The following SENP6 variants were observed in gnomAD, a reference collection of about 807,000 sequenced individuals.
The protein encoded by SENP6 is SUMO specific peptidase 6.
Under a neutral mutation model 134.5 loss-of-function variants are expected in SENP6, and 41 were observed. The observed-to-expected ratio is 0.30, with a 90% CI of 0.24 to 0.40. The LOEUF is 0.40. Among genes scored for constraint, SENP6 ranks in the 10% least tolerant of loss-of-function variants. SENP6 has a pLI of 1.00. For synonymous variants in SENP6, 395 were observed against 429.8 expected (o/e 0.92, Z 1.00); for missense variants, 1,248 against 1,312.5 (o/e 0.95, Z 0.76).
At chr6:75,684,334 C>T (rs1463932133) in intron 16 of SENP6, among the ~76,000 whole-genome samples, 2 of 152,208 alleles carry the variant, frequency 1.3e-5, no homozygotes, top group African/African-American at 4.8e-5. Flanking sequence ...ACAATCATGT[C>T]ATCTGCAAAC....
At chr6:75,659,460 T>C (rs1333203987) in intron 8 of SENP6, 53 bp downstream of exon 8, 2 of 1,455,328 alleles carry the variant, frequency 1.4e-6, no homozygotes, top group Non-Finnish European at 1.9e-6. Flanking sequence ...TTGATTAATA[T>C]TAGTTTCAGT....
chr6:75,619,294 A>G (rs1256667513), intron 1 of SENP6, among the ~76,000 whole-genome samples: 1 of 152,014 alleles, frequency 6.6e-6, no homozygotes, highest in Non-Finnish European at 1.5e-5. Flanking sequence ...GAATTTACCT[A>G]TTCTGGGTAC....
In SENP6 at chr6:75,678,791, G is replaced by T. The variant is rs757187259; in HGVS notation, c.1959-20G>T. On this transcript the variant is annotated intron_variant, in intron 15 of 23. Coordinates refer to ENST00000447266, the MANE Select transcript of SENP6 (RefSeq NM_015571.4). The stretch of plus-strand genomic sequence containing the variant: ...TATATATAGATTTGTTTATTTGCTT[G>T]CCTTCTAATTTTGTTACAGGTTGAT... 2 of 1,469,410 alleles carry T rather than the reference G, an allele frequency of 1.4e-6. No individual in the cohort carries two copies. The highest frequency in any genetic ancestry group is 1.9e-6 in the Non-Finnish European group (2 of 1,052,496). The allele number at this position is 1,469,410 out of a possible 1,614,324, so 91.0% of individuals were successfully genotyped here.
chr6:75,656,890 A>G (rs1771384090), intron 7 of SENP6, among the ~76,000 whole-genome samples: 1 of 152,204 alleles, frequency 6.6e-6, no homozygotes, highest in Admixed American at 6.5e-5. Context: ...GAATTATATC[A>G]AAGCTTTGGA....
intron 16 of SENP6, among the ~76,000 whole-genome samples, chr6:75,691,282 A>G (rs951050446): frequency 1.3e-5 from 2 of 151,998 alleles, no homozygotes; most frequent in African/African-American, 4.8e-5. Flanking sequence ...AGCTGGGACT[A>G]CATGTGCGAG....
chr6:75,649,641 C>G (rs887355895), intron 7 of SENP6, among the ~76,000 whole-genome samples: 10 of 151,952 alleles, frequency 6.6e-5, no homozygotes, highest in African/African-American at 2.2e-4. Context: ...CTCAGCCTCC[C>G]GAGTAGCTGG....
At chr6:75,617,981 A>G (rs1330755067) in intron 1 of SENP6, among the ~76,000 whole-genome samples, 1 of 152,218 alleles carries the variant, frequency 6.6e-6, no homozygotes, top group Admixed American at 6.5e-5. Flanking sequence ...CACAGTGCTG[A>G]AGTGCTATTT....
chr6:75,636,314 T>A (rs1020357451), intron 5 of SENP6, among the ~76,000 whole-genome samples: 1 of 152,204 alleles, frequency 6.6e-6, no homozygotes, highest in Non-Finnish European at 1.5e-5. Context: ...GCAGGACAGA[T>A]TCTACTTACA....
chr6:75,708,865 G>T (rs1448801382), intron 19 of SENP6, among the ~76,000 whole-genome samples: 3 of 152,054 alleles, frequency 2.0e-5, no homozygotes, highest in Non-Finnish European at 4.4e-5. Flanking sequence ...CTGCACTCCA[G>T]CCTGGGCGAC....
chr6:75,698,445 A>G (rs1158156009), intron 18 of SENP6, among the ~76,000 whole-genome samples: 2 of 152,062 alleles, frequency 1.3e-5, no homozygotes, highest in Non-Finnish European at 2.9e-5. Flanking sequence ...TTGGTATTCT[A>G]TGAGATTGTT....
intron 17 of SENP6, 38 bp downstream of exon 17, chr6:75,695,961 C>A: frequency 6.5e-7 from 1 of 1,534,470 alleles, no homozygotes. Flanking sequence ...AGATGTAAGT[C>A]ACTCACATTT....
In SENP6 at chr6:75,622,664, A is replaced by G. The variant is rs72654715; in HGVS notation, c.146+1039A>G. ...AACAAATTCAGAGATCCACAAATAT[A>G]CACACAAAGTTCTACCAAAACTATA... On this transcript the variant is annotated intron_variant, in intron 2 of 23. Transcript: ENST00000447266. 5,239 of 557,516 alleles carry G rather than the reference A, an allele frequency of 9.4e-3. 185 individuals carry two copies. In the East Asian group the frequency reaches 0.13, roughly 14 times the overall value. The allele number at this position is 557,516 out of a possible 1,614,324, so 34.5% of individuals were successfully genotyped here.
intron 3 of SENP6, among the ~76,000 whole-genome samples, chr6:75,626,397 G>A (rs1454109877): frequency 6.6e-6 from 1 of 151,618 alleles, no homozygotes; most frequent in Non-Finnish European, 1.5e-5. Context: ...TATACACACT[G>A]TTGACACCTT....
intron 5 of SENP6, among the ~76,000 whole-genome samples, chr6:75,636,082 G>A (rs1485438335): frequency 1.3e-5 from 2 of 151,880 alleles, no homozygotes; most frequent in African/African-American, 2.4e-5. Context: ...TGGAAATTGG[G>A]TTGCGATTTG....
intron 16 of SENP6, among the ~76,000 whole-genome samples, chr6:75,694,158 A>T (rs1241700236): frequency 6.6e-6 from 1 of 152,210 alleles, no homozygotes; most frequent in Non-Finnish European, 1.5e-5. Context: ...CAGGAGGCTG[A>T]GGCAAGAGAA....
At chr6:75,648,685 T>C (rs963390435) in intron 7 of SENP6, among the ~76,000 whole-genome samples, 3 of 152,250 alleles carry the variant, frequency 2.0e-5, no homozygotes, top group Non-Finnish European at 4.4e-5. Context: ...CTAAGTTTAT[T>C]AAGTTTAGTA....
intron 21 of SENP6, 65 bp downstream of exon 21, chr6:75,711,481 G>T: frequency 1.9e-6 from 2 of 1,053,456 alleles, no homozygotes; most frequent in South Asian, 1.8e-5. Flanking sequence ...AACATAACAG[G>T]ACAGTTTTTT....
chr6:75,711,478 C>A, intron 21 of SENP6, 62 bp downstream of exon 21: 1 of 1,076,202 alleles, frequency 9.3e-7, no homozygotes, highest in Middle Eastern at 2.6e-4. Context: ...TAAAACATAA[C>A]AGGACAGTTT....
chr6:75,677,092 G>A lies in SENP6; in HGVS notation c.1684G>A (p.Val562Ile), dbSNP rs945881073. ...TGGCCTTGATCCTCCGGCAAATATG[G>A]TATTTGAAAGTATCATTAATGAAAT... Reference protein sequence around the residue: ...QNGLDPPANMVFESIINEIGI... With the variant: ...QNGLDPPANMIFESIINEIGI... The change falls in exon 14 of 24, where the codon GTA becomes ATA. Residue 562 changes from valine to isoleucine, a missense_variant. Transcript: ENST00000447266. 1.2e-6 allele frequency: 2 copies of A among 1,605,688 alleles called. No homozygotes were observed. Among genetic ancestry groups the A allele is most frequent in the Non-Finnish European group, 1.7e-6 (2 of 1,173,508 alleles).
Sources: gnomAD v4.1 joint callset for allele counts (sites outside exome capture counted in the v4.1 genomes callset) on GRCh38, gnomAD v4.1.1 for gene constraint, MANE v1.5 for transcripts, NCBI Gene and HGNC (gene_info 2026-07-23, HGNC 2026-07-21) for gene names.